AMZ1: variants seen among roughly 807,000 people sequenced by gnomAD.
AMZ1 encodes the protein archaelysin family metallopeptidase 1.
A neutral mutation model predicts 29.9 loss-of-function variants in AMZ1; 39 were observed. That is an observed-to-expected ratio of 1.30 (90% CI 1.01 to 1.70). AMZ1 has a LOEUF of 1.70. AMZ1 is among the 40% of genes most tolerant of loss of function. The pLI is 0.00. For missense variants in AMZ1, 1,041 were observed against 680.6 expected (o/e 1.53, Z -5.89); for synonymous variants, 458 against 304.0 (o/e 1.51, Z -5.27).
chr7:2,738,693 C>T (rs768401146), intron 4 of AMZ1, among the ~76,000 whole-genome samples: 5 of 151,964 alleles, frequency 3.3e-5, no homozygotes, highest in Non-Finnish European at 5.9e-5. Flanking sequence ...TGGAACCATG[C>T]TAACATCTTC....
intron 4 of AMZ1, chr7:2,728,151 A>G (rs2115265503): frequency 6.6e-6 from 1 of 152,452 alleles, no homozygotes. Context: ...ATAAACATTC[A>G]GAGGCTGAGG....
At position 2,718,738 on chromosome 7, in the gene AMZ1, G is replaced by C. The variant is rs1233843859; in HGVS notation, c.*5860G>C. ...GACAGGGCTTGTGCAGCCGGGCTTG[G>C]TCTTGTGGTCAGGGAGAAGCGGGCA... On this transcript the variant is annotated 3_prime_UTR_variant, in exon 7 of 7. Coordinates refer to ENST00000683327, the MANE Select transcript of AMZ1 (RefSeq NM_001384743.1). Among the ~76,000 whole-genome samples, 3 of 152,228 alleles carry C rather than the reference G, an allele frequency of 2.0e-5. No homozygotes were observed. The highest frequency in any genetic ancestry group is 7.2e-5 in the African/African-American group (3 of 41,462).
chr7:2,735,585 G>A (rs976444677), intron 4 of AMZ1, among the ~76,000 whole-genome samples: 7 of 152,144 alleles, frequency 4.6e-5, no homozygotes, highest in African/African-American at 9.7e-5. Context: ...AACACCCCTC[G>A]AGTCTGCAAT....
chr7:2,682,983 C>T (rs140203650), intron 1 of AMZ1, among the ~76,000 whole-genome samples: 74 of 152,360 alleles, frequency 4.9e-4, no homozygotes, highest in Non-Finnish European at 8.4e-4. Flanking sequence ...TGTCTGCCTG[C>T]ACCCTCGCCT....
chr7:2,720,553 G>A (rs1003523188), downstream of AMZ1, among the ~76,000 whole-genome samples: 1 of 151,892 alleles, frequency 6.6e-6, no homozygotes, highest in Non-Finnish European at 1.5e-5. Context: ...ACAGGCGCCT[G>A]CCACCAAGCC....
chr7:2,728,514 T>C (rs1789724132), intron 4 of AMZ1: 1 of 152,472 alleles, frequency 6.6e-6, no homozygotes, highest in African/African-American at 2.4e-5. Context: ...AGTAAAACCC[T>C]ATATGCGTCT....
chr7:2,734,483 T>C (rs944504070), intron 4 of AMZ1, among the ~76,000 whole-genome samples: 15 of 152,126 alleles, frequency 9.9e-5, no homozygotes, highest in African/African-American at 3.6e-4. Context: ...GTCATACACA[T>C]GTGGCGAGCT....
chr7:2,739,252 G>A (rs116728629), intron 4 of AMZ1, among the ~76,000 whole-genome samples: 3,734 of 152,198 alleles, frequency 0.025, 109 homozygotes, highest in Middle Eastern at 0.075. Context: ...ATGTTGTACG[G>A]CCACCACTTC....
chr7:2,704,588 CTT>C (rs60811216), intron 3 of AMZ1, among the ~76,000 whole-genome samples: 5 of 83,866 alleles, frequency 6.0e-5, no homozygotes, highest in African/African-American at 3.7e-4. Context: ...CAGTGTCACG[CTT>C]TTTTTTTTTT....
In AMZ1 at chr7:2,709,646, T is replaced by A. The variant is rs1349988049; in HGVS notation, c.778T>A (p.Cys260Ser). The A allele has an allele frequency of 2.5e-6, 4 of 1,608,396 alleles. No homozygotes were observed. In the Admixed American group the frequency reaches 6.7e-5, roughly 27 times the overall value. Residue 260 changes from cysteine to serine, a missense_variant, in exon 6 of 7, where the codon TGC (cysteine) becomes AGC (serine). Coordinates refer to ENST00000683327, the MANE Select transcript of AMZ1 (RefSeq NM_001384743.1). ...LGMVQCCKVTCHELCHLLGLG... is the reference protein window; with the variant it reads ...LGMVQCCKVTSHELCHLLGLG... ...TTGGTGGCCTTCCCCCCAGGTCACG[T>A]GCCACGAGCTCTGCCACCTTCTGGG...
chr7:2,739,164 T>G (rs1790371150), intron 4 of AMZ1, among the ~76,000 whole-genome samples: 1 of 152,158 alleles, frequency 6.6e-6, no homozygotes, highest in Non-Finnish European at 1.5e-5. Flanking sequence ...TCCTTTATGT[T>G]TTCATTAGGT....
rs141303601 is a variant in AMZ1 at position 2,752,414 on chromosome 7, C to T, written n.551-12298C>T. ...GATGCCCACTTTTACTGCTTCTGGTCAATGCTAAGTTAGAAAGACTAACAG... is the reference window on the plus strand; with the variant it reads ...GATGCCCACTTTTACTGCTTCTGGTTAATGCTAAGTTAGAAAGACTAACAG... On this transcript the variant is annotated intron_variant and non_coding_transcript_variant, in intron 4 of 4. Transcript: ENST00000489665. Among the ~76,000 whole-genome samples, 652 of 152,260 alleles carry T rather than the reference C, an allele frequency of 4.3e-3. 7 individuals carry two copies. Among genetic ancestry groups the T allele is most frequent in the African/African-American group, 0.015 (619 of 41,538 alleles).
At chr7:2,708,442 TCACACCAAACGCTGGTGGCC>T in intron 3 of AMZ1, 126 bp from the exon 4 acceptor site, 5 of 1,225,852 alleles carry the variant, frequency 4.1e-6, no homozygotes, top group Non-Finnish European at 5.6e-6. Context: ...TGCCCTCAGG[TCACACCAAACGCTGGTGGCC>T]CACACCTGAC....
At chr7:2,755,267 C>A (rs1040267006) in intron 4 of AMZ1, among the ~76,000 whole-genome samples, 5 of 152,180 alleles carry the variant, frequency 3.3e-5, no homozygotes, top group African/African-American at 1.2e-4. Context: ...ATACATTTTA[C>A]AATAATCACA....
At chr7:2,737,772 G>T (rs1790282909) in intron 4 of AMZ1, among the ~76,000 whole-genome samples, 1 of 152,192 alleles carries the variant, frequency 6.6e-6, no homozygotes, top group Non-Finnish European at 1.5e-5. Flanking sequence ...AAAAGTAACA[G>T]CAAACTATGC....
In AMZ1 at chr7:2,712,518, G is replaced by C. The variant is rs798565; in HGVS notation, c.1137G>C (p.Ser379=). ...ATGCCGGGAGTCACACCTTCGCCTCGGGGCCAGAGGAAGGGCTGAGCTACC... is the reference window on the plus strand; with the variant it reads ...ATGCCGGGAGTCACACCTTCGCCTCCGGGCCAGAGGAAGGGCTGAGCTACC... ...TPDAGSHTFA[S]GPEEGLSYLA... Residue 379 remains serine, a synonymous_variant, in exon 7 of 7, where the codon TCG becomes TCC. Coordinates refer to ENST00000683327, the MANE Select transcript of AMZ1 (RefSeq NM_001384743.1). 1.1e-5 allele frequency: 17 copies of C among 1,606,510 alleles called. No individual in the cohort carries two copies. In the Admixed American group the frequency reaches 2.9e-4, roughly 27 times the overall value.
chr7:2,691,751 A>AAAAAAAAAGAG (rs1787403678), intron 1 of AMZ1, among the ~76,000 whole-genome samples: 1 of 150,592 alleles, frequency 6.6e-6, no homozygotes. Context: ...AAAAAAAATA[A>AAAAAAAAAGAG]GTGATTTTGG....
At chr7:2,682,904 T>C (rs926692562) in intron 1 of AMZ1, among the ~76,000 whole-genome samples, 4 of 152,224 alleles carry the variant, frequency 2.6e-5, no homozygotes, top group East Asian at 1.9e-4. Flanking sequence ...ATCTCTGCCG[T>C]TGACCCGGGC....
upstream of AMZ1, chr7:2,763,293 G>A (rs1286744145): frequency 9.9e-6 from 2 of 201,454 alleles, no homozygotes; most frequent in Non-Finnish European, 1.8e-5. Flanking sequence ...AGTGCTGTGA[G>A]GCTGAGACAC....
Sources: allele counts gnomAD v4.1 joint callset (sites outside exome capture counted in the v4.1 genomes callset), GRCh38; gene constraint gnomAD v4.1.1; transcripts MANE v1.5; gene names NCBI Gene and HGNC (gene_info 2026-07-23, HGNC 2026-07-21).